DLGAP2: variants seen among roughly 807,000 people sequenced by gnomAD.
DLGAP2 encodes disks large-associated protein 2.
DLGAP2 carries 26 observed loss-of-function variants against 100.3 expected under a neutral mutation model. The observed-to-expected ratio is 0.26, with a 90% CI of 0.19 to 0.36. The LOEUF is 0.36. Among genes scored for constraint, DLGAP2 ranks in the 10% least tolerant of loss-of-function variants. DLGAP2 has a pLI of 1.00. For synonymous variants in DLGAP2, 886 were observed against 630.1 expected (o/e 1.41, Z -6.08); for missense variants, 1,858 against 1,453.2 (o/e 1.28, Z -4.53).
intron 6 of DLGAP2, among the ~76,000 whole-genome samples, chr8:1,582,781 G>C (rs941188859): frequency 6.6e-6 from 1 of 152,158 alleles, no homozygotes; most frequent in Admixed American, 6.6e-5. Flanking sequence ...ATTTTTAGTA[G>C]AGACAAGAGT....
intron 5 of DLGAP2, among the ~76,000 whole-genome samples, chr8:1,550,461 A>T (rs1221161090): frequency 1.3e-5 from 2 of 152,082 alleles, no homozygotes; most frequent in African/African-American, 4.8e-5. Context: ...GGAGGGTTTA[A>T]CAACCACAGC....
At chr8:860,953 G>C (rs1237438142) in intron 1 of DLGAP2, among the ~76,000 whole-genome samples, 3 of 152,174 alleles carry the variant, frequency 2.0e-5, no homozygotes, top group Non-Finnish European at 2.9e-5. Flanking sequence ...CTGAAGGTGA[G>C]AGCCGTGCCT....
At chr8:1,678,081 A>T (rs1798850794) in intron 11 of DLGAP2, 133 bp from the exon 12 acceptor site, 1 of 999,856 alleles carries the variant, frequency 1.0e-6, no homozygotes, top group South Asian at 1.7e-5. Context: ...TATTTCACAA[A>T]CAAAACACTA....
At chr8:1,222,971 G>A (rs1362451088) in intron 2 of DLGAP2, among the ~76,000 whole-genome samples, 9 of 152,228 alleles carry the variant, frequency 5.9e-5, no homozygotes, top group South Asian at 2.1e-4. Context: ...CTTGGGGGAC[G>A]GGTGCCCATG....
At chr8:1,000,439 G>C (rs1423263102) in intron 2 of DLGAP2, among the ~76,000 whole-genome samples, 1 of 150,994 alleles carries the variant, frequency 6.6e-6, no homozygotes, top group East Asian at 2.0e-4. Flanking sequence ...GACAGATCCG[G>C]GTGGGGTGGT....
intron 3 of DLGAP2, among the ~76,000 whole-genome samples, chr8:1,390,557 T>C (rs1342604199): frequency 6.6e-6 from 1 of 152,122 alleles, no homozygotes; most frequent in Non-Finnish European, 1.5e-5. Flanking sequence ...TGTGCTCCTG[T>C]ATGCTTGCGG....
intron 2 of DLGAP2, among the ~76,000 whole-genome samples, chr8:974,496 G>A (rs925853186): frequency 6.6e-6 from 1 of 151,996 alleles, no homozygotes; most frequent in African/African-American, 2.4e-5. Flanking sequence ...ATATATTCTG[G>A]GCTATAAAAC....
At chr8:1,502,958 T>C (rs1799774440) in intron 4 of DLGAP2, among the ~76,000 whole-genome samples, 1 of 152,044 alleles carries the variant, frequency 6.6e-6, no homozygotes, top group Admixed American at 6.6e-5. Context: ...GGCACAGAAC[T>C]GAAACAAGAG....
chr8:1,518,381 G>A (rs1800469374), intron 4 of DLGAP2, among the ~76,000 whole-genome samples: 1 of 152,182 alleles, frequency 6.6e-6, no homozygotes, highest in African/African-American at 2.4e-5. Context: ...GGCAAACCGA[G>A]TGGAGGTTTA....
At chr8:1,553,151 G>A (rs1411330419) in intron 5 of DLGAP2, among the ~76,000 whole-genome samples, 1 of 152,164 alleles carries the variant, frequency 6.6e-6, no homozygotes, top group African/African-American at 2.4e-5. Flanking sequence ...TCCCAGAGAA[G>A]ACCCGGCAGC....
At chr8:1,359,720 G>A (rs926546650) in intron 3 of DLGAP2, among the ~76,000 whole-genome samples, 3 of 152,252 alleles carry the variant, frequency 2.0e-5, no homozygotes, top group Non-Finnish European at 4.4e-5. Flanking sequence ...TAAAACCCGC[G>A]CGTTCCCTGC....
intron 3 of DLGAP2, among the ~76,000 whole-genome samples, chr8:1,462,681 C>CA (rs1798494504): frequency 6.6e-6 from 1 of 152,134 alleles, no homozygotes; most frequent in Non-Finnish European, 1.5e-5. Flanking sequence ...CTCAGGCTGC[C>CA]AGCGTGGGTG....
rs1185315432 is a variant in DLGAP2, at chr8:913,232, T to G, written c.73+5266T>G. 3.3e-5 allele frequency among the ~76,000 whole-genome samples: 5 copies of G among 152,292 alleles called. 1 individual carries two copies. In the East Asian group the frequency reaches 9.6e-4, roughly 29 times the overall value. Reference sequence around the variant, plus strand: ...GAAACAGAGTAGCCACTGGAGCACTTTGGAGGTTTAGTTCAAAACGGCAGA... The same window carrying G: ...GAAACAGAGTAGCCACTGGAGCACTGTGGAGGTTTAGTTCAAAACGGCAGA... On this transcript the variant is annotated intron_variant, in intron 2 of 14. Transcript: ENST00000637795.
chr8:1,707,367 T>C lies in DLGAP2; in HGVS notation c.*5961T>C, dbSNP rs1008941826. ...AGTACGACAAAGGACGCTCCCAGCTTGATCGTGGTACCTTATGGAAGCCAC... is the reference window on the plus strand; with the variant it reads ...AGTACGACAAAGGACGCTCCCAGCTCGATCGTGGTACCTTATGGAAGCCAC... On this transcript the variant is annotated 3_prime_UTR_variant, in exon 15 of 15. Coordinates refer to ENST00000637795, the MANE Select transcript of DLGAP2 (RefSeq NM_001346810.2). The C allele has an allele frequency of 1.1e-4, 16 of 152,370 alleles. No homozygotes were observed. The highest frequency in any genetic ancestry group is 3.8e-4 in the African/African-American group (16 of 41,574). 9.4% of individuals were successfully genotyped at this position (152,370 alleles called of 1,614,324 possible).
intron 3 of DLGAP2, among the ~76,000 whole-genome samples, chr8:1,330,179 G>C (rs1013378068): frequency 6.6e-6 from 1 of 152,232 alleles, no homozygotes; most frequent in Non-Finnish European, 1.5e-5. Context: ...TGGCCGTGGT[G>C]CTGACGCCCA....
chr8:1,163,155 C>T (rs1401648339), intron 2 of DLGAP2, among the ~76,000 whole-genome samples: 4 of 152,160 alleles, frequency 2.6e-5, no homozygotes, highest in Non-Finnish European at 5.9e-5. Context: ...CCAGGACGCA[C>T]GTGCACTGAA....
At chr8:1,027,583 G>C (rs56253516) in intron 2 of DLGAP2, among the ~76,000 whole-genome samples, 1 of 148,408 alleles carries the variant, frequency 6.7e-6, no homozygotes, top group African/African-American at 2.5e-5. Context: ...TATTCTCCAG[G>C]TGGGGTGCCA....
intron 2 of DLGAP2, among the ~76,000 whole-genome samples, chr8:1,257,305 G>C (rs1423320600): frequency 6.6e-6 from 1 of 152,108 alleles, no homozygotes; most frequent in Non-Finnish European, 1.5e-5. Context: ...GGAACCATGA[G>C]AGCCTGTGAG....
At chr8:1,624,075 T>A (rs1359501540) in intron 6 of DLGAP2, among the ~76,000 whole-genome samples, 1 of 152,196 alleles carries the variant, frequency 6.6e-6, no homozygotes, top group Non-Finnish European at 1.5e-5. Context: ...CAGGCACTGG[T>A]TAGAAACTGT....
Sources: gnomAD v4.1 joint callset for allele counts (sites outside exome capture counted in the v4.1 genomes callset) on GRCh38, gnomAD v4.1.1 for gene constraint, MANE v1.5 for transcripts, NCBI Gene and HGNC (gene_info 2026-07-23, HGNC 2026-07-21) for gene names.